DIXDC1: variants seen among roughly 807,000 people sequenced by gnomAD.
DIXDC1 encodes the protein dixin.
DIXDC1 carries 64 observed loss-of-function variants against 103.1 expected under a neutral mutation model. The ratio of observed to expected loss-of-function variants is 0.62; its 90% confidence interval spans 0.51 to 0.76. DIXDC1 has a LOEUF of 0.76. Among genes scored for constraint, DIXDC1 ranks in the 30% least tolerant of loss-of-function variants. DIXDC1 has a pLI of 0.00. For synonymous variants in DIXDC1, 266 were observed against 298.5 expected (o/e 0.89, Z 1.12); for missense variants, 759 against 834.2 (o/e 0.91, Z 1.11).
chr11:111,937,449 G>A lies in DIXDC1; in HGVS notation c.-51G>A. 6.4e-7 allele frequency: 1 copy of A among 1,550,882 alleles called. No individual in the cohort carries two copies. Among genetic ancestry groups the A allele is most frequent in the South Asian group, 1.2e-5 (1 of 83,826 alleles). ...TGTGCAGAGGGAGGAGGAGGAGGCG[G>A]CGGCGGCCGCCGGGCTGGAGACCCC... On this transcript the variant is annotated 5_prime_UTR_variant, in exon 1 of 20. Transcript: ENST00000440460.
At chr11:111,982,257 T>G (rs1860331379) in intron 6 of DIXDC1, 82 bp from the exon 7 acceptor site, 1 of 1,490,614 alleles carries the variant, frequency 6.7e-7, no homozygotes, top group African/African-American at 1.4e-5. Flanking sequence ...GACCTGAACC[T>G]GTGAACGCTA....
intron 15 of DIXDC1, 103 bp downstream of exon 15, chr11:111,995,211 T>C: frequency 7.3e-7 from 1 of 1,361,434 alleles, no homozygotes; most frequent in Non-Finnish European, 1.0e-6. Context: ...TCCAGTTCCC[T>C]AATTCCTGGA....
intron 1 of DIXDC1, chr11:111,928,263 A>T (rs1965895659): frequency 6.6e-6 from 1 of 151,648 alleles, no homozygotes; most frequent in Non-Finnish European, 1.5e-5. Flanking sequence ...ATATTAAATG[A>T]AGGTGGCCGG....
intron 17 of DIXDC1, among the ~76,000 whole-genome samples, chr11:112,003,780 A>G (rs1592621025): frequency 1.3e-5 from 2 of 151,772 alleles, no homozygotes; most frequent in East Asian, 3.9e-4. Context: ...CCTGGGAAAC[A>G]AGAGTGAAGC....
At position 111,977,754 on chromosome 11, in the gene DIXDC1, C is replaced by T. The variant is rs1555172790; in HGVS notation, c.656+2771C>T. 1.3e-6 allele frequency: 2 copies of T among 1,563,954 alleles called. No individual in the cohort carries two copies. Among genetic ancestry groups the T allele is most frequent in the Non-Finnish European group, 1.7e-6 (2 of 1,154,630 alleles). The stretch of plus-strand genomic sequence containing the variant: ...CCGGGGACGCAGGCTTGCTGAAGCC[C>T]GAGACAGGAGGGGGACCATGGGAGG... On this transcript the variant is annotated intron_variant, in intron 5 of 19. Coordinates refer to ENST00000440460, the MANE Select transcript of DIXDC1 (RefSeq NM_001037954.4). The surrounding 1 kb of genome is among the most constrained non-coding windows in gnomAD (Gnocchi z 6.1).
chr11:111,957,003 T>TA (rs201118018), intron 1 of DIXDC1, among the ~76,000 whole-genome samples: 3,922 of 150,810 alleles, frequency 0.026, 182 homozygotes, highest in African/African-American at 0.091. Context: ...TCTGTCTCTA[T>TA]AAAAAAAATA....
At chr11:111,999,364 G>A (rs931821278) in intron 17 of DIXDC1, among the ~76,000 whole-genome samples, 1 of 152,292 alleles carries the variant, frequency 6.6e-6, no homozygotes, top group African/African-American at 2.4e-5. Context: ...TCAACCAATG[G>A]TGCTTGGGAC....
chr11:111,992,578 C>T (rs782067960), intron 11 of DIXDC1, 59 bp downstream of exon 11: 2 of 1,415,800 alleles, frequency 1.4e-6, no homozygotes, highest in Non-Finnish European at 1.9e-6. Context: ...CAGGCTACTG[C>T]ACGAAGAACT....
chr11:111,965,245 A>G (rs781883107), intron 2 of DIXDC1, among the ~76,000 whole-genome samples: 5 of 152,218 alleles, frequency 3.3e-5, no homozygotes, highest in Non-Finnish European at 7.3e-5. Flanking sequence ...AGATGGTACC[A>G]TAACCTTATT....
chr11:111,954,232 G>T (rs1363674098), intron 1 of DIXDC1, among the ~76,000 whole-genome samples: 1 of 152,142 alleles, frequency 6.6e-6, no homozygotes, highest in Non-Finnish European at 1.5e-5. Flanking sequence ...GGGAGACAGT[G>T]ACAGATCATC....
chr11:112,003,535 A>T (rs587721634), intron 17 of DIXDC1, among the ~76,000 whole-genome samples: 1 of 152,294 alleles, frequency 6.6e-6, no homozygotes, highest in Admixed American at 6.5e-5. Flanking sequence ...GCAGTGGCTC[A>T]CGTCTGAAAT....
chr11:111,997,738 A>C (rs587714194), intron 17 of DIXDC1, among the ~76,000 whole-genome samples: 53 of 152,320 alleles, frequency 3.5e-4, no homozygotes, highest in South Asian at 1.5e-3. Flanking sequence ...ATTCCCCCCC[A>C]AAAAATTACT....
intron 1 of DIXDC1, among the ~76,000 whole-genome samples, chr11:111,946,156 C>T (rs1288764482): frequency 2.1e-5 from 3 of 143,544 alleles, no homozygotes; most frequent in East Asian, 4.1e-4. Flanking sequence ...TCGCCTAGGC[C>T]GGACTGCAGT....
chr11:111,938,350 C>T (rs1555168479), intron 1 of DIXDC1, among the ~76,000 whole-genome samples: 1 of 152,228 alleles, frequency 6.6e-6, no homozygotes, highest in East Asian at 1.9e-4. Flanking sequence ...TCTTCGACTG[C>T]AGCTAAGCCC....
At chr11:111,929,940 C>T (rs1965959914) in intron 2 of DIXDC1, 4 of 1,527,666 alleles carry the variant, frequency 2.6e-6, no homozygotes, top group Non-Finnish European at 2.6e-6. Flanking sequence ...TTGTGAAAAG[C>T]GTGATGATGT....
intron 2 of DIXDC1, among the ~76,000 whole-genome samples, chr11:111,968,197 T>C (rs1859800354): frequency 6.6e-6 from 1 of 152,250 alleles, no homozygotes. Flanking sequence ...TTTATTGTTC[T>C]TTTTCTCTCC....
At chr11:111,984,939 G>T (rs1860439912) in intron 7 of DIXDC1, among the ~76,000 whole-genome samples, 1 of 152,030 alleles carries the variant, frequency 6.6e-6, no homozygotes, top group Non-Finnish European at 1.5e-5. Context: ...TTTGAAATGT[G>T]TTGTGTCTCT....
chr11:111,947,190 T>C (rs35440570), intron 1 of DIXDC1, among the ~76,000 whole-genome samples: 59,005 of 151,802 alleles, frequency 0.39, 11,682 homozygotes, highest in East Asian at 0.56. Context: ...TTTGGACTCC[T>C]GACCCTGGCC....
intron 1 of DIXDC1, among the ~76,000 whole-genome samples, chr11:111,960,594 T>TA (rs57035300): frequency 6.0e-4 from 84 of 139,720 alleles, no homozygotes; most frequent in South Asian, 4.2e-3. Flanking sequence ...AACTCTGTCT[T>TA]AAAAAAAAAA....
Sources: allele counts gnomAD v4.1 joint callset (sites outside exome capture counted in the v4.1 genomes callset), GRCh38; gene constraint gnomAD v4.1.1; non-coding constraint Gnocchi (gnomAD v3.1); transcripts MANE v1.5; gene names NCBI Gene and HGNC (gene_info 2026-07-23, HGNC 2026-07-21).